CSMD1: variants seen among roughly 807,000 people sequenced by gnomAD.
CSMD1 encodes CUB and sushi domain-containing protein 1.
In CSMD1, 213 loss-of-function variants were observed where a neutral mutation model predicts 417.5. The ratio of observed to expected loss-of-function variants is 0.51; its 90% CI spans 0.46 to 0.57. The LOEUF is 0.57. CSMD1 is among the 20% of genes least tolerant of loss of function. The pLI, the probability that CSMD1 is intolerant of heterozygous loss-of-function variation, is 0.00. For synonymous variants in CSMD1, 2,862 were observed against 1,736.8 expected, an observed-to-expected ratio of 1.65 and a Z score of -16.11; for missense variants, 6,923 against 4,529.7, an observed-to-expected ratio of 1.53 and a Z score of -15.17.
At chr8:3,673,687 C>A (rs1421259056) in intron 7 of CSMD1, among the ~76,000 whole-genome samples, 1 of 152,076 alleles carries the variant, frequency 6.6e-6, no homozygotes, top group African/African-American at 2.4e-5. Flanking sequence ...TAACTTACAC[C>A]CAATCAGCTG....
chr8:4,508,104 C>CAAAAAAAAAAAAAAAAAA (rs1563242302), intron 2 of CSMD1, among the ~76,000 whole-genome samples: 7 of 138,860 alleles, frequency 5.0e-5, no homozygotes, highest in Non-Finnish European at 9.3e-5. Flanking sequence ...AAAAAAAAAA[C>CAAAAAAAAAAAAAAAAAA]CCCAAAAAAC....
intron 1 of CSMD1, among the ~76,000 whole-genome samples, chr8:4,678,218 C>G (rs975956199): frequency 6.6e-6 from 1 of 151,600 alleles, no homozygotes; most frequent in Non-Finnish European, 1.5e-5. Context: ...CGAGGTCAGC[C>G]TGGCCAACCT....
Position 2,938,556 on chromosome 8 carries a change from A to G in CSMD1, c.*29T>C. ...CTGCTTGTCCATCAGAGGTATGGCT[A>G]TGAATCAGTCCTGTTGGGGCACTGA... On this transcript the variant is annotated 3_prime_UTR_variant, in exon 70 of 70. Transcript: ENST00000635120. 3.1e-6 allele frequency: 5 copies of G among 1,596,806 alleles called. No individual in the cohort carries two copies. Among genetic ancestry groups the G allele is most frequent in the Non-Finnish European group, 4.3e-6 (5 of 1,170,384 alleles).
chr8:3,226,240 G>C (rs1798495666), intron 27 of CSMD1, among the ~76,000 whole-genome samples: 1 of 152,094 alleles, frequency 6.6e-6, no homozygotes, highest in African/African-American at 2.4e-5. Context: ...AAAAGCAATT[G>C]CAGGCTATAT....
chr8:2,972,831 A>G (rs1165530373), intron 57 of CSMD1, among the ~76,000 whole-genome samples: 1 of 152,142 alleles, frequency 6.6e-6, no homozygotes, highest in East Asian at 1.9e-4. Flanking sequence ...TCTAGAAAAC[A>G]CTGGCAACAC....
chr8:3,505,586 A>T (rs1402874166), intron 10 of CSMD1, among the ~76,000 whole-genome samples: 1 of 152,212 alleles, frequency 6.6e-6, no homozygotes, highest in Admixed American at 6.5e-5. Context: ...CACCAGAAGA[A>T]TTCTGTACAC....
At chr8:4,651,762 C>G (rs1016029186) in intron 1 of CSMD1, among the ~76,000 whole-genome samples, 1 of 152,192 alleles carries the variant, frequency 6.6e-6, no homozygotes, top group Non-Finnish European at 1.5e-5. Context: ...TACTCCCCAT[C>G]TGTATTTAAT....
chr8:4,773,897 A>C (rs1488575370), intron 1 of CSMD1, among the ~76,000 whole-genome samples: 3 of 152,226 alleles, frequency 2.0e-5, no homozygotes, highest in Admixed American at 2.0e-4. Context: ...GCTTTCTAAC[A>C]CAAAAATCCT....
chr8:4,320,504 C>T (rs565017920), intron 3 of CSMD1, among the ~76,000 whole-genome samples: 2 of 152,164 alleles, frequency 1.3e-5, no homozygotes, highest in African/African-American at 4.8e-5. Context: ...GCTATTCCTC[C>T]CCTAGACCCC....
rs372176124 is a variant in CSMD1, at chr8:3,877,248, T to C, written c.818+120655A>G. Among the ~76,000 whole-genome samples, 136 of 152,226 alleles carry C rather than the reference T, an allele frequency of 8.9e-4. 3 individuals are homozygous for C. The South Asian group carries it at 0.028, about 31-fold the overall frequency. On this transcript the variant is annotated intron_variant, in intron 5 of 69. Transcript: ENST00000635120. ...TGCTTGCTTTGAGACCTGCCTACAG[T>C]GAGCAGATGTCCTGGTGTGGCCCTT...
intron 1 of CSMD1, among the ~76,000 whole-genome samples, chr8:4,980,276 G>A (rs193095886): frequency 1.3e-5 from 2 of 152,164 alleles, no homozygotes; most frequent in African/African-American, 4.8e-5. Flanking sequence ...AACTTTCCTA[G>A]CATGCTGCTC....
chr8:4,001,534 G>C (rs925063674), intron 4 of CSMD1, among the ~76,000 whole-genome samples: 5 of 152,158 alleles, frequency 3.3e-5, no homozygotes, highest in African/African-American at 1.2e-4. Flanking sequence ...CTGATCAAAT[G>C]AGCATACCTC....
chr8:3,623,842 T>A (rs994461494), intron 7 of CSMD1, among the ~76,000 whole-genome samples: 1 of 152,088 alleles, frequency 6.6e-6, no homozygotes, highest in African/African-American at 2.4e-5. Flanking sequence ...CTGGGCGTGC[T>A]GGTGTGCATC....
rs7815509 is a variant in CSMD1, at chr8:3,067,153, T to C, written c.7475-14506A>G. Among the ~76,000 whole-genome samples the C allele has an allele frequency of 9.7e-3, 1,469 of 152,228 alleles. 20 individuals carry two copies. The highest frequency in any genetic ancestry group is 0.033 in the African/African-American group (1,387 of 41,516). ...GACCCCACGTATGCACCTCTCGACCTGTCTGAGAGTGTCAGCCAACAAGGT... is the reference window on the plus strand; with the variant it reads ...GACCCCACGTATGCACCTCTCGACCCGTCTGAGAGTGTCAGCCAACAAGGT... On this transcript the variant is annotated intron_variant, in intron 49 of 69. Coordinates refer to ENST00000635120, the MANE Select transcript of CSMD1 (RefSeq NM_033225.6).
At chr8:4,613,434 G>C (rs778484869) in intron 2 of CSMD1, among the ~76,000 whole-genome samples, 69 of 152,156 alleles carry the variant, frequency 4.5e-4, no homozygotes, top group Non-Finnish European at 6.3e-4. Flanking sequence ...AACTAGGTTA[G>C]TTGCCTCCAG....
intron 5 of CSMD1, among the ~76,000 whole-genome samples, chr8:3,754,855 A>C (rs1797568390): frequency 6.6e-6 from 1 of 152,228 alleles, no homozygotes; most frequent in South Asian, 2.1e-4. Flanking sequence ...TGCAGGACTA[A>C]GAACCTGGGC....
chr8:4,196,791 T>A (rs1309924757), intron 3 of CSMD1, among the ~76,000 whole-genome samples: 1 of 152,282 alleles, frequency 6.6e-6, no homozygotes, highest in South Asian at 2.1e-4. Flanking sequence ...TAAAGCAACC[T>A]ATTCACAGGC....
rs115035114 is a variant in CSMD1 at position 4,563,795 on chromosome 8, C to T, written c.302+73547G>A. Among the ~76,000 whole-genome samples the T allele has an allele frequency of 4.2e-3, 635 of 152,172 alleles. 9 individuals are homozygous for T. The highest frequency in any genetic ancestry group is 0.014 in the African/African-American group (601 of 41,510). ...AAGCCCTGTCCTAAATGTTTCTGTC[C>T]CCAATGTGTGGCCCTGTCCTCAATG... On this transcript the variant is annotated intron_variant, in intron 2 of 69. Coordinates refer to ENST00000635120, the MANE Select transcript of CSMD1 (RefSeq NM_033225.6).
At chr8:4,320,027 C>G (rs940173073) in intron 3 of CSMD1, among the ~76,000 whole-genome samples, 2 of 151,926 alleles carry the variant, frequency 1.3e-5, no homozygotes, top group Non-Finnish European at 2.9e-5. Context: ...AGTACCACCT[C>G]AACAATGAAA....
Sources: gnomAD v4.1 joint callset for allele counts (sites outside exome capture counted in the v4.1 genomes callset) on GRCh38, gnomAD v4.1.1 for gene constraint, MANE v1.5 for transcripts, NCBI Gene and HGNC (gene_info 2026-07-23, HGNC 2026-07-21) for gene names.